Variants in MAP3K5 observed in about 807,000 individuals in gnomAD.
The protein encoded by MAP3K5 is mitogen-activated protein kinase kinase kinase 5, also known as ASK-1.
Under a neutral mutation model 158.7 loss-of-function variants are expected in MAP3K5, and 56 were observed. The observed-to-expected ratio is 0.35, with a 90% confidence interval of 0.28 to 0.44. The LOEUF (loss-of-function observed/expected upper bound fraction) is 0.44. Ranked by LOEUF, MAP3K5 falls within the 20% of genes least tolerant of loss-of-function variation. The pLI is 1.00. For synonymous variants in MAP3K5, 579 were observed against 601.7 expected (o/e 0.96, Z 0.55); for missense variants, 1,294 against 1,674.8 (o/e 0.77, Z 3.97).
intron 1 of MAP3K5, among the ~76,000 whole-genome samples, chr6:136,754,725 G>A (rs1400805955): frequency 6.6e-5 from 10 of 152,148 alleles, no homozygotes; most frequent in Non-Finnish European, 1.0e-4. Flanking sequence ...AGAATGCTTC[G>A]GGAAGAACAG....
Position 136,656,346 on chromosome 6 carries a change from G to C in MAP3K5, c.1641C>G (p.Val547=). Residue 547 remains valine, a synonymous_variant, in exon 10 of 30, where the codon GTC becomes GTG. Transcript: ENST00000359015. ...ELVDFWMDFL[V]EATKTDVTVV... The stretch of plus-strand genomic sequence containing the variant: ...CAGTAACATCTGTCTTTGTGGCCTC[G>C]ACCAGGAAATCCATCCAAAAGTCCA... The C allele has an allele frequency of 1.2e-6, 2 of 1,613,806 alleles. No individual in the cohort carries two copies. Among genetic ancestry groups the C allele is most frequent in the East Asian group, 4.5e-5 (2 of 44,854 alleles).
At chr6:136,612,518 T>C (rs1776388498) in intron 17 of MAP3K5, among the ~76,000 whole-genome samples, 1 of 152,228 alleles carries the variant, frequency 6.6e-6, no homozygotes, top group South Asian at 2.1e-4. Context: ...AATGGGCTTT[T>C]TGGTTGATTT....
intron 2 of MAP3K5, among the ~76,000 whole-genome samples, chr6:136,718,071 G>A (rs1262730698): frequency 2.6e-5 from 4 of 152,060 alleles, no homozygotes; most frequent in Non-Finnish European, 5.9e-5. Flanking sequence ...TCAGGCAGTC[G>A]TAATCCCAAA....
chr6:136,678,701 A>G (rs1390937427), intron 7 of MAP3K5, among the ~76,000 whole-genome samples: 1 of 152,078 alleles, frequency 6.6e-6, no homozygotes. Context: ...TTTTAGCACT[A>G]AATATTTGTT....
Position 136,702,162 on chromosome 6 carries a change from T to C in MAP3K5, c.612+2948A>G, listed in dbSNP as rs117337923. Among the ~76,000 whole-genome samples, 298 of 152,206 alleles carry C rather than the reference T, an allele frequency of 2.0e-3. 7 individuals are homozygous for C. In the East Asian group the frequency reaches 0.036, roughly 18 times the overall value. On this transcript the variant is annotated intron_variant, in intron 3 of 29. Coordinates refer to ENST00000359015, the MANE Select transcript of MAP3K5 (RefSeq NM_005923.4). ...AGTGCATTCTTTAGAGTTTCTTTCC[T>C]ATGTTTCTAAGGCAATCTTTTTTTT...
chr6:136,712,408 A>C (rs1311590033), intron 2 of MAP3K5, among the ~76,000 whole-genome samples: 1 of 152,038 alleles, frequency 6.6e-6, no homozygotes, highest in African/African-American at 2.4e-5. Flanking sequence ...TCCTGGGCTT[A>C]GGTGATCCAC....
At chr6:136,769,809 G>GAGGA (rs1784119452) in intron 1 of MAP3K5, among the ~76,000 whole-genome samples, 1 of 57,490 alleles carries the variant, frequency 1.7e-5, no homozygotes, top group African/African-American at 6.8e-5. Flanking sequence ...GGGAGGGAGG[G>GAGGA]AGGGGACGGG....
intron 15 of MAP3K5, among the ~76,000 whole-genome samples, chr6:136,618,975 G>A (rs2129094405): frequency 6.6e-6 from 1 of 152,282 alleles, no homozygotes; most frequent in African/African-American, 2.4e-5. Context: ...GTAGGTAGGG[G>A]TAGGCATTTT....
At chr6:136,715,085 A>T (rs1781464117) in intron 2 of MAP3K5, among the ~76,000 whole-genome samples, 1 of 152,240 alleles carries the variant, frequency 6.6e-6, no homozygotes, top group Non-Finnish European at 1.5e-5. Flanking sequence ...GAAATAATCT[A>T]ACATAATCAT....
intron 7 of MAP3K5, among the ~76,000 whole-genome samples, chr6:136,672,039 G>A (rs1779505137): frequency 6.6e-6 from 1 of 152,056 alleles, no homozygotes; most frequent in South Asian, 2.1e-4. Flanking sequence ...AAGGGCATTT[G>A]TTACAAGATG....
chr6:136,611,989 A>G (rs1325948958), intron 17 of MAP3K5, among the ~76,000 whole-genome samples: 5 of 152,302 alleles, frequency 3.3e-5, no homozygotes, highest in African/African-American at 1.2e-4. Flanking sequence ...TCTGACTATC[A>G]GATGGCATCA....
intron 1 of MAP3K5, among the ~76,000 whole-genome samples, chr6:136,778,157 TTAA>T (rs1206829916): frequency 6.6e-6 from 1 of 152,164 alleles, no homozygotes; most frequent in Admixed American, 6.5e-5. Context: ...GGAAGTAAAT[TTAA>T]TAATATTTTA....
At position 136,605,296 on chromosome 6, in the gene MAP3K5, G is replaced by A. The variant is rs779534470; in HGVS notation, c.2592C>T (p.Ile864=). The change falls in exon 19 of 30, where the codon ATC becomes ATT. Residue 864 remains isoleucine (I), a synonymous_variant. Coordinates refer to ENST00000359015, the MANE Select transcript of MAP3K5 (RefSeq NM_005923.4). ...CAATGATTGTACAGCCCAGAGACCA[G>A]ATGTCTGCTGCTTTTCCGTAGCCTC... ...GPRGYGKAAD[I]WSLGCTIIEM... 19 of 1,614,158 alleles carry A rather than the reference G, an allele frequency of 1.2e-5. 1 individual carries two copies. Among genetic ancestry groups the A allele is most frequent in the Middle Eastern group, 1.7e-4 (1 of 6,060 alleles).
intron 1 of MAP3K5, among the ~76,000 whole-genome samples, chr6:136,763,774 T>C (rs993061271): frequency 1.3e-5 from 2 of 151,946 alleles, no homozygotes; most frequent in Non-Finnish European, 2.9e-5. Context: ...TATTGAGAGG[T>C]GGGGCCTCTA....
At chr6:136,779,890 C>G (rs1784547441) in intron 1 of MAP3K5, among the ~76,000 whole-genome samples, 1 of 152,188 alleles carries the variant, frequency 6.6e-6, no homozygotes, top group Non-Finnish European at 1.5e-5. Context: ...ACTAGGAACC[C>G]TGGTTAAAGC....
intron 7 of MAP3K5, among the ~76,000 whole-genome samples, chr6:136,693,529 C>A (rs192417091): frequency 6.6e-6 from 1 of 151,674 alleles, no homozygotes; most frequent in Non-Finnish European, 1.5e-5. Flanking sequence ...TCATTCAGGT[C>A]TTTTAAACTG....
intron 2 of MAP3K5, among the ~76,000 whole-genome samples, chr6:136,717,294 T>C (rs1488186741): frequency 6.6e-6 from 1 of 152,188 alleles, no homozygotes; most frequent in Admixed American, 6.5e-5. Flanking sequence ...ACTTCAGACA[T>C]AGATTTTTAA....
chr6:136,562,698 G>GTC, intron 26 of MAP3K5, 83 bp from the exon 27 acceptor site: 1 of 673,286 alleles, frequency 1.5e-6, no homozygotes, highest in Non-Finnish European at 2.5e-6. Context: ...TAGATACAAG[G>GTC]TCTCTCTCTG....
intron 8 of MAP3K5, among the ~76,000 whole-genome samples, chr6:136,660,138 C>T (rs1198641958): frequency 6.6e-6 from 1 of 152,128 alleles, no homozygotes; most frequent in Non-Finnish European, 1.5e-5. Context: ...GAAAATCTTA[C>T]CTTTTTTACG....
Sources: allele counts gnomAD v4.1 joint callset (sites outside exome capture counted in the v4.1 genomes callset), GRCh38; gene constraint gnomAD v4.1.1; transcripts MANE v1.5; gene names NCBI Gene and HGNC (gene_info 2026-07-23, HGNC 2026-07-21).